ATRNL1: variants seen among roughly 807,000 people sequenced by gnomAD.
The protein encoded by ATRNL1 is attractin like 1.
Under a neutral mutation model 182.7 loss-of-function variants are expected in ATRNL1, and 95 were observed. The observed-to-expected ratio is 0.52, with a 90% confidence interval of 0.44 to 0.62. The LOEUF (loss-of-function observed/expected upper bound fraction) is 0.62. ATRNL1 is among the 20% of genes least tolerant of loss of function. The pLI is 0.00. For synonymous variants in ATRNL1, 576 were observed against 568.3 expected (o/e 1.01, Z -0.19); for missense variants, 1,471 against 1,679.5 (o/e 0.88, Z 2.17).
intron 26 of ATRNL1, among the ~76,000 whole-genome samples, chr10:115,565,377 C>T (rs1555001373): frequency 6.6e-6 from 1 of 151,902 alleles, no homozygotes; most frequent in Non-Finnish European, 1.5e-5. Context: ...GCTACTTTTT[C>T]CTTCATTTAA....
At chr10:115,191,308 G>A (rs1301423919) in intron 8 of ATRNL1, among the ~76,000 whole-genome samples, 1 of 152,044 alleles carries the variant, frequency 6.6e-6, no homozygotes, top group Non-Finnish European at 1.5e-5. Flanking sequence ...CTTCATAGTG[G>A]TTGTACTAAT....
intron 26 of ATRNL1, among the ~76,000 whole-genome samples, chr10:115,720,902 A>T (rs531927797): frequency 6.6e-6 from 1 of 152,256 alleles, no homozygotes; most frequent in South Asian, 2.1e-4. Context: ...CATTAATATG[A>T]GTTGATTGAT....
chr10:115,833,969 A>C (rs1194551586), intron 27 of ATRNL1, among the ~76,000 whole-genome samples: 2 of 152,206 alleles, frequency 1.3e-5, no homozygotes, highest in Non-Finnish European at 2.9e-5. Context: ...GATCATTTGG[A>C]GCAAACATTT....
intron 10 of ATRNL1, among the ~76,000 whole-genome samples, chr10:115,253,254 T>A (rs1389408927): frequency 2.0e-5 from 3 of 152,200 alleles, no homozygotes; most frequent in Non-Finnish European, 4.4e-5. Context: ...CTGTAAGGAT[T>A]GACTGAAGGC....
chr10:115,799,482 A>T (rs1456560645), intron 27 of ATRNL1, among the ~76,000 whole-genome samples: 1 of 152,198 alleles, frequency 6.6e-6, no homozygotes, highest in African/African-American at 2.4e-5. Context: ...AGTTCCCAGT[A>T]TTCTCCCAGC....
At chr10:115,491,959 C>T (rs1434682095) in intron 24 of ATRNL1, among the ~76,000 whole-genome samples, 3 of 152,122 alleles carry the variant, frequency 2.0e-5, no homozygotes, top group African/African-American at 4.8e-5. Context: ...TGCGCTGTTC[C>T]TCCTGTCTCT....
chr10:115,139,264 T>TA (rs1845655672), intron 5 of ATRNL1, among the ~76,000 whole-genome samples: 1 of 152,240 alleles, frequency 6.6e-6, no homozygotes, highest in African/African-American at 2.4e-5. Context: ...CTCTGCCTGT[T>TA]ACGCAGTTCC....
intron 27 of ATRNL1, among the ~76,000 whole-genome samples, chr10:115,728,997 C>G (rs1344449652): frequency 6.6e-6 from 1 of 151,864 alleles, no homozygotes; most frequent in Non-Finnish European, 1.5e-5. Flanking sequence ...TTAAAACATT[C>G]TTAAATACTG....
chr10:115,163,193 GGAA>G (rs1846878690), intron 6 of ATRNL1, among the ~76,000 whole-genome samples: 1 of 151,758 alleles, frequency 6.6e-6, no homozygotes, highest in Non-Finnish European at 1.5e-5. Context: ...TCGTGTGCAA[GGAA>G]GAAGAATCAC....
intron 5 of ATRNL1, among the ~76,000 whole-genome samples, chr10:115,131,408 G>T (rs1845229798): frequency 6.6e-6 from 1 of 152,114 alleles, no homozygotes; most frequent in African/African-American, 2.4e-5. Flanking sequence ...CCTTGTAAAT[G>T]AGATAATATG....
intron 25 of ATRNL1, among the ~76,000 whole-genome samples, chr10:115,533,982 TTTCTC>T (rs1183210017): frequency 6.9e-6 from 1 of 145,602 alleles, no homozygotes; most frequent in African/African-American, 2.5e-5. Flanking sequence ...TTTGTTATAA[TTTCTC>T]TTCTTTTACA....
rs936700277 is a variant in ATRNL1, at chr10:115,948,777, G to C, written c.*3998G>C. Reference sequence around the variant, plus strand: ...GTTAGTTATAGCAGTGATTTCATTAGAGTGTACATTTAACATTTTAGTTTT... The same window carrying C: ...GTTAGTTATAGCAGTGATTTCATTACAGTGTACATTTAACATTTTAGTTTT... On this transcript the variant is annotated 3_prime_UTR_variant, in exon 29 of 29. Coordinates refer to ENST00000355044, the MANE Select transcript of ATRNL1 (RefSeq NM_207303.4). 6.6e-6 allele frequency: 1 copy of C among 152,162 alleles called. No individual in the cohort carries two copies. Among genetic ancestry groups the C allele is most frequent in the Non-Finnish European group, 1.5e-5 (1 of 68,040 alleles). 9.4% of individuals were successfully genotyped at this position (152,162 alleles called of 1,614,324 possible). A position where few individuals can be genotyped will look rare whatever the true frequency, so the allele number is the denominator to read the frequency against.
intron 26 of ATRNL1, among the ~76,000 whole-genome samples, chr10:115,569,581 A>G (rs1306161336): frequency 6.6e-6 from 1 of 152,180 alleles, no homozygotes; most frequent in African/African-American, 2.4e-5. Flanking sequence ...CAAAGCCAAA[A>G]ATATTATCCA....
intron 21 of ATRNL1, among the ~76,000 whole-genome samples, chr10:115,440,019 G>A (rs781870991): frequency 9.9e-5 from 15 of 151,114 alleles, no homozygotes; most frequent in African/African-American, 2.4e-4. Flanking sequence ...TATTTATATC[G>A]GTATGAACTC....
chr10:115,368,314 T>C (rs1458208437), intron 19 of ATRNL1, among the ~76,000 whole-genome samples: 2 of 152,202 alleles, frequency 1.3e-5, no homozygotes, highest in African/African-American at 4.8e-5. Flanking sequence ...CCCCTTTCTT[T>C]GACTCGGAAA....
intron 9 of ATRNL1, among the ~76,000 whole-genome samples, chr10:115,217,503 A>C (rs1849279764): frequency 6.6e-6 from 1 of 152,212 alleles, no homozygotes; most frequent in African/African-American, 2.4e-5. Context: ...AGGTAAGAAG[A>C]ATCTTAATGA....
At chr10:115,545,706 TA>T (rs1852615424) in intron 25 of ATRNL1, among the ~76,000 whole-genome samples, 1 of 152,222 alleles carries the variant, frequency 6.6e-6, no homozygotes, top group South Asian at 2.1e-4. Context: ...ATTAATCATA[TA>T]AAAATACATT....
intron 26 of ATRNL1, among the ~76,000 whole-genome samples, chr10:115,587,440 G>C (rs1398631071): frequency 6.6e-6 from 1 of 151,876 alleles, no homozygotes; most frequent in Non-Finnish European, 1.5e-5. Flanking sequence ...CTCCCAGCCA[G>C]GTGCGGAATA....
chr10:115,540,966 A>G (rs1852327461), intron 25 of ATRNL1, among the ~76,000 whole-genome samples: 1 of 152,178 alleles, frequency 6.6e-6, no homozygotes, highest in South Asian at 2.1e-4. Flanking sequence ...AGGTAAAAAC[A>G]ATGAAATATC....
Sources: allele counts gnomAD v4.1 joint callset (sites outside exome capture counted in the v4.1 genomes callset), GRCh38; gene constraint gnomAD v4.1.1; transcripts MANE v1.5; gene names NCBI Gene and HGNC (gene_info 2026-07-23, HGNC 2026-07-21).